The following PRDM16 variants were observed in gnomAD, a reference collection of about 807,000 sequenced individuals.
The protein encoded by PRDM16 is PR/SET domain 16.
Under a neutral mutation model 110.6 loss-of-function variants are expected in PRDM16, and 23 were observed. The ratio of observed to expected loss-of-function variants is 0.21; its 90% CI spans 0.15 to 0.29. The LOEUF (loss-of-function observed/expected upper bound fraction) is 0.29, where lower values mean the gene tolerates loss of function less well. PRDM16 is among the 10% of genes least tolerant of loss of function. The probability of loss-of-function intolerance (pLI) is 1.00; values close to 1 mark genes in which losing one functional copy is unlikely to be tolerated. For synonymous variants in PRDM16, 799 were observed against 781.8 expected (o/e 1.02, Z -0.37); for missense variants, 1,615 against 1,794.3 (o/e 0.90, Z 1.81).
intron 3 of PRDM16, among the ~76,000 whole-genome samples, chr1:3,356,737 C>T (rs1438242745): frequency 6.6e-6 from 1 of 152,176 alleles, no homozygotes; most frequent in Non-Finnish European, 1.5e-5. Flanking sequence ...AGTCACTGGG[C>T]AGATCGAGCA....
intron 2 of PRDM16, among the ~76,000 whole-genome samples, chr1:3,205,744 G>C (rs1007482722): frequency 1.3e-5 from 2 of 152,148 alleles, no homozygotes; most frequent in African/African-American, 4.8e-5. Flanking sequence ...TGGGGGCTGG[G>C]CAGTCCAGGG....
chr1:3,077,458 C>T (rs1047483685), intron 1 of PRDM16, among the ~76,000 whole-genome samples: 1 of 152,206 alleles, frequency 6.6e-6, no homozygotes, highest in Non-Finnish European at 1.5e-5. Context: ...TGAGTTTGAA[C>T]TTGGTTGAAG....
At chr1:3,323,735 G>T (rs1170018010) in intron 3 of PRDM16, among the ~76,000 whole-genome samples, 2 of 152,270 alleles carry the variant, frequency 1.3e-5, no homozygotes, top group Non-Finnish European at 2.9e-5. Context: ...AGTAAAAGCT[G>T]CAAGGTCTCA....
At chr1:3,301,453 A>G (rs1641207425) in intron 3 of PRDM16, among the ~76,000 whole-genome samples, 1 of 152,222 alleles carries the variant, frequency 6.6e-6, no homozygotes, top group South Asian at 2.1e-4. Flanking sequence ...GCTTTAGAGA[A>G]AAGGGGATGT....
At chr1:3,242,898 A>C (rs1037615608) in intron 2 of PRDM16, among the ~76,000 whole-genome samples, 2 of 152,172 alleles carry the variant, frequency 1.3e-5, no homozygotes, top group Non-Finnish European at 2.9e-5. Flanking sequence ...CGTATACTCG[A>C]CCGTGCATGG....
At position 3,436,054 on chromosome 1, in the gene PRDM16, G is replaced by A; in HGVS notation, c.*2243G>A. ...CACGCGTTTCCACAACATCCCCTGG[G>A]TCAGACCCACCAGGTACCCCGTAGG... On this transcript the variant is annotated 3_prime_UTR_variant, in exon 17 of 17. Transcript: ENST00000270722. 4.3e-6 allele frequency: 1 copy of A among 230,910 alleles called. No individual in the cohort carries two copies. The highest frequency in any genetic ancestry group is 6.1e-5 in the East Asian group (1 of 16,262). 14.3% of individuals were successfully genotyped at this position (230,910 alleles called of 1,614,324 possible).
At chr1:3,403,703 G>A (rs933492948) in intron 6 of PRDM16, among the ~76,000 whole-genome samples, 1 of 152,244 alleles carries the variant, frequency 6.6e-6, no homozygotes, top group Non-Finnish European at 1.5e-5. Context: ...GGTCTCTGTG[G>A]GGAGTGAAAC....
rs985614715 is a variant in PRDM16, at chr1:3,201,179, G to C, written c.387+14705G>C. On this transcript the variant is annotated intron_variant, in intron 2 of 16. Transcript: ENST00000270722. This position sits in a 1 kb window ranked among gnomAD's most constrained non-coding sequence, Gnocchi z 4.1. The stretch of plus-strand genomic sequence containing the variant: ...TTTGAGGAGGACAGGGATGGAAAAA[G>C]GGGTCTGGGCTGCATTTTGATAAAA... Among the ~76,000 whole-genome samples the C allele has an allele frequency of 6.6e-5, 10 of 152,172 alleles. No homozygotes were observed. Among genetic ancestry groups the C allele is most frequent in the Non-Finnish European group, 1.5e-4 (10 of 68,026 alleles).
At position 3,273,312 on chromosome 1, in the gene PRDM16, G is replaced by A. The variant is rs74708805; in HGVS notation, c.438+29175G>A. On this transcript the variant is annotated intron_variant, in intron 3 of 16. Coordinates refer to ENST00000270722, the MANE Select transcript of PRDM16 (RefSeq NM_022114.4). The stretch of plus-strand genomic sequence containing the variant: ...GAAGAAAGCCTGTTCTGCCATTCGA[G>A]GTGCCTTCTGGGCAGGAGTGGGGAG... Among the ~76,000 whole-genome samples the A allele has an allele frequency of 5.5e-3, 833 of 152,310 alleles. 9 individuals are homozygous for A. The highest frequency in any genetic ancestry group is 0.018 in the African/African-American group (733 of 41,564).
chr1:3,368,550 C>G (rs1287733155), intron 3 of PRDM16, among the ~76,000 whole-genome samples: 1 of 152,238 alleles, frequency 6.6e-6, no homozygotes, highest in Non-Finnish European at 1.5e-5. Flanking sequence ...CGCTCCCACC[C>G]TGAGGGGAAA....
At position 3,253,988 on chromosome 1, in the gene PRDM16, T is replaced by C. The variant is rs189400872; in HGVS notation, c.438+9851T>C. On this transcript the variant is annotated intron_variant, in intron 3 of 16. Coordinates refer to ENST00000270722, the MANE Select transcript of PRDM16 (RefSeq NM_022114.4). ...TGGTGCGCATTTTTTCATGTGTTTT[T>C]TGGCTGCATAAATGTCTTCTTTTGA... Among the ~76,000 whole-genome samples, 28 of 152,376 alleles carry C rather than the reference T, an allele frequency of 1.8e-4. 1 individual carries two copies. In the East Asian group the frequency reaches 4.4e-3, roughly 24 times the overall value.
rs969317419 is a variant in PRDM16, at chr1:3,235,122, G to A, written c.388-8965G>A. On this transcript the variant is annotated intron_variant, in intron 2 of 16. Transcript: ENST00000270722. ...GGCGTCCCAGCCAGAGCCCCCTACCGAGCCCTGCCTGCAGGTCCTGGGGCC... is the reference window on the plus strand; with the variant it reads ...GGCGTCCCAGCCAGAGCCCCCTACCAAGCCCTGCCTGCAGGTCCTGGGGCC... Among the ~76,000 whole-genome samples the A allele has an allele frequency of 5.3e-5, 8 of 152,334 alleles. No individual in the cohort carries two copies. In the East Asian group the frequency reaches 1.5e-3, roughly 29 times the overall value.
intron 3 of PRDM16, among the ~76,000 whole-genome samples, chr1:3,295,487 G>C (rs1017305373): frequency 6.6e-6 from 1 of 152,186 alleles, no homozygotes; most frequent in Non-Finnish European, 1.5e-5. Context: ...ACCAGCGTGT[G>C]GGGGCTGGGA....
Position 3,404,786 on chromosome 1 carries a change from G to T in PRDM16, c.932G>T (p.Cys311Phe). ...CACACGGAGGAGCGCGAGTACAAAT[G>T]CGACCAGTGTCCCAAGGCCTTCAAC... ...VIHTEEREYK[C>F]DQCPKAFNWK... Residue 311 changes from cysteine to phenylalanine, a missense_variant, in exon 7 of 17, where the codon TGC (cysteine) becomes TTC (phenylalanine). Physicochemically the swap from Cys to Phe is radical, Grantham distance 205. This residue lies in a region of PRDM16 where 416 missense variants were observed against 467.1 expected (regional missense o/e 0.89). Transcript: ENST00000270722. 1 of 1,613,638 alleles carries T rather than the reference G, an allele frequency of 6.2e-7. No homozygotes were observed. Among genetic ancestry groups the T allele is most frequent in the Non-Finnish European group, 8.5e-7 (1 of 1,179,982 alleles).
In PRDM16 at chr1:3,400,951, C is replaced by T. The variant is rs141556489; in HGVS notation, c.677-1840C>T. 1.3e-3 allele frequency among the ~76,000 whole-genome samples: 194 copies of T among 152,286 alleles called. 1 individual carries two copies. Among genetic ancestry groups the T allele is most frequent in the Non-Finnish European group, 2.1e-3 (141 of 68,030 alleles). On this transcript the variant is annotated intron_variant, in intron 5 of 16. Coordinates refer to ENST00000270722, the MANE Select transcript of PRDM16 (RefSeq NM_022114.4). ...CCAAAAATCACATCTGGCAAGCTGG[C>T]ATCTGTACCTTGGTTGGCAAGGGGT...
chr1:3,124,287 A>G (rs1056766728), intron 1 of PRDM16, among the ~76,000 whole-genome samples: 2 of 152,192 alleles, frequency 1.3e-5, no homozygotes, highest in African/African-American at 2.4e-5. Flanking sequence ...TGAAAAGGGA[A>G]AGGCCAAGGA....
chr1:3,183,799 A>G (rs1644236875), intron 1 of PRDM16, among the ~76,000 whole-genome samples: 1 of 152,208 alleles, frequency 6.6e-6, no homozygotes, highest in Non-Finnish European at 1.5e-5. Context: ...CTTGATGCGG[A>G]CGCTGCCCCA....
intron 1 of PRDM16, among the ~76,000 whole-genome samples, chr1:3,152,026 C>G (rs1643783532): frequency 6.6e-6 from 1 of 152,234 alleles, no homozygotes; most frequent in South Asian, 2.1e-4. Context: ...CTGGTCACCA[C>G]TCGGCCCCGT....
intron 1 of PRDM16, among the ~76,000 whole-genome samples, chr1:3,073,180 C>T (rs974209002): frequency 5.9e-5 from 9 of 152,302 alleles, no homozygotes; most frequent in Non-Finnish European, 1.0e-4. Context: ...CCATTTCTGC[C>T]GGGAGGCTGG....
Sources: allele counts gnomAD v4.1 joint callset (sites outside exome capture counted in the v4.1 genomes callset), GRCh38; gene constraint gnomAD v4.1.1; regional missense constraint gnomAD v4.1.1; non-coding constraint Gnocchi (gnomAD v3.1); transcripts MANE v1.5; gene names NCBI Gene and HGNC (gene_info 2026-07-23, HGNC 2026-07-21).